Variants in AGO3 observed in about 807,000 individuals in gnomAD.
AGO3 encodes the protein protein argonaute-3.
AGO3 carries 16 observed loss-of-function variants against 105.5 expected under a neutral mutation model. The ratio of observed to expected loss-of-function variants is 0.15; its 90% CI spans 0.10 to 0.23. The LOEUF is 0.23. Among genes scored for constraint, AGO3 ranks in the 10% least tolerant of loss-of-function variants. The pLI, the probability that AGO3 is intolerant of heterozygous loss-of-function variation, is 1.00. For missense variants in AGO3, 534 were observed against 1,088.0 expected (o/e 0.49, Z 7.16); for synonymous variants, 340 against 367.3 (o/e 0.93, Z 0.85).
intron 2 of AGO3, among the ~76,000 whole-genome samples, chr1:35,959,129 GT>G (rs1301698162): frequency 6.6e-6 from 1 of 152,096 alleles, no homozygotes; most frequent in African/African-American, 2.4e-5. Context: ...TTACATTAAA[GT>G]TTCTCTCTTC....
In AGO3 at chr1:35,951,461, G is replaced by GATCA. The variant is rs1367759081; in HGVS notation, c.191+5599_191+5602dup. Among the ~76,000 whole-genome samples the GATCA allele has an allele frequency of 2.5e-4, 38 of 152,200 alleles. 1 individual carries two copies. Among genetic ancestry groups the GATCA allele is most frequent in the African/African-American group, 8.7e-4 (36 of 41,524 alleles). On this transcript the variant is annotated intron_variant, in intron 2 of 18. Coordinates refer to ENST00000373191, the MANE Select transcript of AGO3 (RefSeq NM_024852.4). The stretch of plus-strand genomic sequence containing the variant: ...CACCCAGGCTGGAGTGCAGTGGTAC[G>GATCA]ATCACAGTTCACTGCAGCCTTGACC...
chr1:35,989,927 T>C (rs1647459993), intron 5 of AGO3, among the ~76,000 whole-genome samples: 2 of 152,052 alleles, frequency 1.3e-5, no homozygotes, highest in Admixed American at 1.3e-4. Context: ...TAGTTATATC[T>C]CCCTTAAGAT....
At position 36,072,317 on chromosome 1, in the gene AGO3, C is replaced by T. The variant is rs756963161; in HGVS notation, c.*16572C>T. The stretch of plus-strand genomic sequence containing the variant: ...TGATTCTTTCTGAGCCAAACTGTCA[C>T]GAAATGTTCTGTGACAGAACCACTA... On this transcript the variant is annotated 3_prime_UTR_variant, in exon 19 of 19. Transcript: ENST00000373191. 3.9e-5 allele frequency: 6 copies of T among 152,182 alleles called. No homozygotes were observed. Among genetic ancestry groups the T allele is most frequent in the East Asian group, 1.9e-4 (1 of 5,202 alleles). 9.4% of individuals were successfully genotyped at this position (152,182 alleles called of 1,614,324 possible). A position where few individuals can be genotyped will look rare whatever the true frequency, so the allele number is the denominator to read the frequency against.
chr1:35,963,973 A>G (rs749763224), intron 2 of AGO3, among the ~76,000 whole-genome samples: 3 of 140,318 alleles, frequency 2.1e-5, no homozygotes, highest in Non-Finnish European at 3.0e-5. Flanking sequence ...TGGAAGTTCC[A>G]GCATTTCACT....
intron 6 of AGO3, among the ~76,000 whole-genome samples, chr1:36,006,097 G>C (rs896391306): frequency 6.6e-6 from 1 of 150,504 alleles, no homozygotes; most frequent in Non-Finnish European, 1.5e-5. Flanking sequence ...TTCATTCCAA[G>C]TAAAATAGGG....
chr1:36,014,888 C>T (rs1640821935), intron 11 of AGO3, among the ~76,000 whole-genome samples: 1 of 151,722 alleles, frequency 6.6e-6, no homozygotes. Flanking sequence ...GGAAAAAACA[C>T]AAGCTCAAAC....
intron 17 of AGO3, 86 bp from the exon 18 acceptor site, chr1:36,054,860 T>G: frequency 1.5e-6 from 2 of 1,316,704 alleles, no homozygotes; most frequent in Non-Finnish European, 2.2e-6. Context: ...TCAGCCTGGG[T>G]GACAGAGCAA....
chr1:35,944,433 G>A (rs1571412563), intron 1 of AGO3, among the ~76,000 whole-genome samples: 2 of 151,006 alleles, frequency 1.3e-5, no homozygotes, highest in African/African-American at 2.4e-5. Flanking sequence ...TTGACACAAT[G>A]TAATGTCTTC....
chr1:36,054,246 T>C (rs1477214489), intron 17 of AGO3, among the ~76,000 whole-genome samples: 2 of 152,158 alleles, frequency 1.3e-5, no homozygotes, highest in Non-Finnish European at 2.9e-5. Flanking sequence ...CTTCCCAGCT[T>C]TACTTTTCTA....
intron 17 of AGO3, among the ~76,000 whole-genome samples, chr1:36,047,440 C>T (rs936825995): frequency 4.0e-5 from 6 of 149,186 alleles, no homozygotes; most frequent in Non-Finnish European, 5.9e-5. Flanking sequence ...AAAAAAAAAT[C>T]GGAGTCAGAA....
intron 1 of AGO3, 54 bp downstream of exon 1, chr1:35,931,499 G>T: frequency 7.2e-7 from 1 of 1,389,994 alleles, no homozygotes; most frequent in South Asian, 1.7e-5. Context: ...ACTGTCCTCT[G>T]AGCATCCCTG....
At chr1:36,030,292 A>G (rs975217814) in intron 12 of AGO3, among the ~76,000 whole-genome samples, 7 of 152,090 alleles carry the variant, frequency 4.6e-5, no homozygotes, top group African/African-American at 9.7e-5. Context: ...GCTTGAGTTC[A>G]GGAATTCAAG....
intron 17 of AGO3, among the ~76,000 whole-genome samples, chr1:36,052,413 G>C (rs761797938): frequency 1.3e-5 from 2 of 151,934 alleles, no homozygotes; most frequent in African/African-American, 4.8e-5. Context: ...GAAAGGGAGG[G>C]GGATTACCAA....
At chr1:36,052,301 A>C (rs1370643819) in intron 17 of AGO3, among the ~76,000 whole-genome samples, 2 of 152,220 alleles carry the variant, frequency 1.3e-5, no homozygotes, top group African/African-American at 4.8e-5. Flanking sequence ...TACATGAAAT[A>C]AACCAACCAC....
chr1:36,025,189 T>C (rs183858577), intron 11 of AGO3, among the ~76,000 whole-genome samples: 10 of 152,336 alleles, frequency 6.6e-5, no homozygotes, highest in African/African-American at 2.4e-4. Context: ...TGCCTTGCCT[T>C]CTTCATGGCA....
rs76223969 is a variant in AGO3 at position 36,023,830 on chromosome 1, A to G, written c.1407-3284A>G. On this transcript the variant is annotated intron_variant, in intron 11 of 18. Transcript: ENST00000373191. Reference sequence around the variant, plus strand: ...TGTTGAGGATGTTGAAGGAGTGGTTAAACTCCTTGTTTCAGTTTCCTTACT... The same window carrying G: ...TGTTGAGGATGTTGAAGGAGTGGTTGAACTCCTTGTTTCAGTTTCCTTACT... Among the ~76,000 whole-genome samples, 783 of 152,288 alleles carry G rather than the reference A, an allele frequency of 5.1e-3. 7 individuals are homozygous for G. The highest frequency in any genetic ancestry group is 0.018 in the African/African-American group (729 of 41,558).
chr1:35,975,467 T>C (rs566783820), intron 5 of AGO3, among the ~76,000 whole-genome samples: 41 of 152,338 alleles, frequency 2.7e-4, no homozygotes, highest in African/African-American at 9.1e-4. Context: ...GGAAGTTAGC[T>C]GTTCATCTGT....
rs1218321878 is a variant in AGO3 at position 36,058,608 on chromosome 1, C to T, written c.*2863C>T. On this transcript the variant is annotated 3_prime_UTR_variant, in exon 19 of 19. Transcript: ENST00000373191. ...TATTGCCAATTCACTGTATTTTGAGCCTAAAATCTGAGCCCATGTCCTCTG... is the reference window on the plus strand; with the variant it reads ...TATTGCCAATTCACTGTATTTTGAGTCTAAAATCTGAGCCCATGTCCTCTG... The T allele has an allele frequency of 6.6e-6, 1 of 152,074 alleles. No individual in the cohort carries two copies. Among genetic ancestry groups the T allele is most frequent in the Non-Finnish European group, 1.5e-5 (1 of 68,018 alleles). The allele number at this position is 152,074 out of a possible 1,614,324, so 9.4% of individuals were successfully genotyped here.
chr1:35,987,677 T>C (rs1027014746), intron 5 of AGO3, among the ~76,000 whole-genome samples: 1 of 150,218 alleles, frequency 6.7e-6, no homozygotes, highest in African/African-American at 2.5e-5. Flanking sequence ...GGAGAAGAGA[T>C]AGACCAAAAA....
Sources: gnomAD v4.1 joint callset for allele counts (sites outside exome capture counted in the v4.1 genomes callset) on GRCh38, gnomAD v4.1.1 for gene constraint, MANE v1.5 for transcripts, NCBI Gene and HGNC (gene_info 2026-07-23, HGNC 2026-07-21) for gene names.